PKHD1: variants seen among roughly 807,000 people sequenced by gnomAD.
PKHD1 encodes PKHD1 ciliary IPT domain containing fibrocystin/polyductin, also known as fibrocystin.
Under a neutral mutation model 412.0 loss-of-function variants are expected in PKHD1, and 291 were observed. That is an observed-to-expected ratio of 0.71 (90% CI 0.64 to 0.78). The LOEUF (loss-of-function observed/expected upper bound fraction) is 0.78. Among genes scored for constraint, PKHD1 ranks in the 30% least tolerant of loss-of-function variants. The pLI is 0.00. For missense variants in PKHD1, 4,825 were observed against 4,950.7 expected, an observed-to-expected ratio of 0.97 and a Z score of 0.76; for synonymous variants, 1,777 against 1,821.5, an observed-to-expected ratio of 0.98 and a Z score of 0.62.
intron 59 of PKHD1, among the ~76,000 whole-genome samples, chr6:51,745,622 T>C (rs529396638): frequency 2.0e-5 from 3 of 152,152 alleles, no homozygotes; most frequent in Non-Finnish European, 4.4e-5. Context: ...GAGGATCACT[T>C]GAGCTCAGGA....
chr6:52,033,203 T>G (rs951792845), intron 28 of PKHD1, 38 bp from the exon 29 acceptor site: 9 of 1,546,256 alleles, frequency 5.8e-6, no homozygotes, highest in Middle Eastern at 1.7e-4. Context: ...CTCAGTTTTA[T>G]TTTAAAGTAG....
At chr6:52,029,957 T>C (rs1308726154) in intron 29 of PKHD1, among the ~76,000 whole-genome samples, 4 of 152,222 alleles carry the variant, frequency 2.6e-5, no homozygotes, top group Admixed American at 1.3e-4. Flanking sequence ...CTGCAGACAA[T>C]TGTAGTCTTA....
chr6:51,928,231 A>T (rs554187088), intron 37 of PKHD1, among the ~76,000 whole-genome samples: 141 of 152,324 alleles, frequency 9.3e-4, no homozygotes, highest in Non-Finnish European at 1.6e-3. Flanking sequence ...CTGAGTTTTT[A>T]AACTAGATTA....
intron 60 of PKHD1, among the ~76,000 whole-genome samples, chr6:51,660,208 T>C (rs1772611462): frequency 6.6e-6 from 1 of 152,088 alleles, no homozygotes; most frequent in African/African-American, 2.4e-5. Flanking sequence ...AAGTTAATAA[T>C]GGAGATAATA....
intron 37 of PKHD1, among the ~76,000 whole-genome samples, chr6:51,921,703 T>C (rs1394670650): frequency 1.3e-5 from 2 of 152,208 alleles, no homozygotes; most frequent in African/African-American, 4.8e-5. Context: ...ATACCCTTTC[T>C]TCCACTTGAT....
intron 5 of PKHD1, 24 bp downstream of exon 5, chr6:52,079,876 C>T (rs1321645981): frequency 1.6e-6 from 2 of 1,286,582 alleles, no homozygotes; most frequent in Non-Finnish European, 2.3e-6. Flanking sequence ...TGTAAACATA[C>T]CTTCCTCCAG....
Position 51,976,688 on chromosome 6 carries a change from G to A in PKHD1, c.5752-16662C>T, listed in dbSNP as rs184130590. Among the ~76,000 whole-genome samples the A allele has an allele frequency of 2.2e-3, 338 of 152,230 alleles. 1 individual carries two copies. Among genetic ancestry groups the A allele is most frequent in the Non-Finnish European group, 4.1e-3 (280 of 68,018 alleles). On this transcript the variant is annotated intron_variant, in intron 35 of 66. Transcript: ENST00000371117. ...TGAAAGGCCAGGCACGGTGGCTCAC[G>A]CCTGTAATCCTAGTACTTTGGGAAG...
At chr6:52,010,207 T>C (rs1447124412) in intron 35 of PKHD1, 102 bp downstream of exon 35, 5 of 963,100 alleles carry the variant, frequency 5.2e-6, no homozygotes, top group South Asian at 1.4e-5. Flanking sequence ...TTTAATATTA[T>C]ATATCGCTGC....
intron 60 of PKHD1, among the ~76,000 whole-genome samples, chr6:51,689,141 ATC>A (rs1416917036): frequency 6.4e-4 from 97 of 152,228 alleles, no homozygotes; most frequent in Admixed American, 3.9e-4. Flanking sequence ...TCAAAAGCTT[ATC>A]CATCAAGATC....
intron 50 of PKHD1, among the ~76,000 whole-genome samples, chr6:51,843,074 C>A (rs150139278): frequency 6.6e-6 from 1 of 152,308 alleles, no homozygotes; most frequent in Non-Finnish European, 1.5e-5. Context: ...ATTATCTCTG[C>A]CCCATTTAAT....
chr6:51,641,189 T>G (rs1290012125), intron 63 of PKHD1, among the ~76,000 whole-genome samples: 1 of 152,158 alleles, frequency 6.6e-6, no homozygotes, highest in Non-Finnish European at 1.5e-5. Flanking sequence ...CTTCCCTACT[T>G]CATGACTCAC....
intron 46 of PKHD1, among the ~76,000 whole-genome samples, chr6:51,880,952 C>T (rs1271537855): frequency 3.4e-5 from 5 of 146,930 alleles, no homozygotes; most frequent in African/African-American, 7.5e-5. Context: ...GGCGACAGAG[C>T]GAGACTCCGT....
At chr6:52,023,073 G>A (rs562112972) in intron 32 of PKHD1, 129 bp from the exon 33 acceptor site, 158 of 1,038,694 alleles carry the variant, frequency 1.5e-4, no homozygotes, top group African/African-American at 7.4e-4. Context: ...CGCACAACTG[G>A]CTTGAGGTGG....
intron 16 of PKHD1, among the ~76,000 whole-genome samples, chr6:52,058,041 T>C (rs981359826): frequency 6.6e-6 from 1 of 152,164 alleles, no homozygotes; most frequent in African/African-American, 2.4e-5. Flanking sequence ...GTCGGGCGTG[T>C]GTTTAGAGGA....
intron 52 of PKHD1, among the ~76,000 whole-genome samples, chr6:51,807,499 G>A (rs1380016809): frequency 6.9e-6 from 1 of 145,538 alleles, no homozygotes; most frequent in Non-Finnish European, 1.5e-5. Flanking sequence ...GTGTGTGTGT[G>A]TGTGTGTGTG....
chr6:52,065,741 C>T (rs1809601118), intron 12 of PKHD1, among the ~76,000 whole-genome samples: 1 of 152,150 alleles, frequency 6.6e-6, no homozygotes, highest in Admixed American at 6.5e-5. Flanking sequence ...GATAGGGGCA[C>T]CTGAGGGAAT....
At chr6:51,977,491 C>A (rs1020512876) in intron 35 of PKHD1, among the ~76,000 whole-genome samples, 6 of 152,202 alleles carry the variant, frequency 3.9e-5, no homozygotes, top group Non-Finnish European at 8.8e-5. Context: ...CAAACTCATT[C>A]TTTCAAAGCC....
chr6:52,050,526 T>G (rs1806648664), intron 21 of PKHD1, among the ~76,000 whole-genome samples: 1 of 152,228 alleles, frequency 6.6e-6, no homozygotes, highest in Admixed American at 6.5e-5. Flanking sequence ...TGAAGATTGA[T>G]TCCATAGAAA....
At chr6:51,664,288 A>C (rs1357019428) in intron 60 of PKHD1, among the ~76,000 whole-genome samples, 2 of 152,170 alleles carry the variant, frequency 1.3e-5, no homozygotes, top group African/African-American at 2.4e-5. Context: ...AGAATATGAC[A>C]AACTACCTAG....
Sources: allele counts gnomAD v4.1 joint callset (sites outside exome capture counted in the v4.1 genomes callset), GRCh38; gene constraint gnomAD v4.1.1; transcripts MANE v1.5; gene names NCBI Gene and HGNC (gene_info 2026-07-23, HGNC 2026-07-21).